BLTP1: variants seen among roughly 807,000 people sequenced by gnomAD.
BLTP1 encodes bridge-like lipid transfer protein family member 1.
At chr4:122,248,548 T>G in the BLTP1 span, among the ~76,000 whole-genome samples, 1 of 152,048 alleles carries the variant, frequency 6.6e-6, no homozygotes, top group African/African-American at 2.4e-5. Context: ...GCGTACTTTT[T>G]CATAATTTTT....
the BLTP1 span, chr4:122,301,500 A>G: frequency 1.2e-5 from 7 of 595,006 alleles, no homozygotes; most frequent in Non-Finnish European, 1.7e-5. Context: ...AACAGAAAAT[A>G]AAAATGATCT....
the BLTP1 span, chr4:122,239,551 C>T: frequency 1.2e-6 from 2 of 1,605,718 alleles, no homozygotes; most frequent in Non-Finnish European, 1.7e-6. Flanking sequence ...AGCCCTGTGT[C>T]TCCTAATACT....
At chr4:122,197,224 G>T in the BLTP1 span, 1 of 1,458,018 alleles carries the variant, frequency 6.9e-7, no homozygotes, top group Non-Finnish European at 9.3e-7. Context: ...GTAAATGTAG[G>T]AGCTGGCTCA....
At chr4:122,295,031 T>G in the BLTP1 span, among the ~76,000 whole-genome samples, 1 of 152,062 alleles carries the variant, frequency 6.6e-6, no homozygotes, top group Non-Finnish European at 1.5e-5. Context: ...TTGAAGACTG[T>G]CTTTCTGAAA....
the BLTP1 span, chr4:122,282,158 AT>A: frequency 1.2e-6 from 1 of 823,112 alleles, no homozygotes; most frequent in Non-Finnish European, 1.5e-6. Flanking sequence ...AAAACAGCTA[AT>A]TCTGTATGGT....
chr4:122,226,752 G>A, the BLTP1 span: 4 of 1,613,336 alleles, frequency 2.5e-6, no homozygotes, highest in Non-Finnish European at 3.4e-6. Flanking sequence ...TTTTCATGTG[G>A]TATGTCGGGA....
chr4:122,359,463 G>A, the BLTP1 span: 6 of 1,498,332 alleles, frequency 4.0e-6, no homozygotes, highest in South Asian at 7.5e-5. Flanking sequence ...CTTTGGCCAG[G>A]TCATAGATAA....
chr4:122,326,710 A>G, the BLTP1 span, among the ~76,000 whole-genome samples: 1 of 151,690 alleles, frequency 6.6e-6, no homozygotes, highest in South Asian at 2.1e-4. Flanking sequence ...AAAAAATGGT[A>G]TATAAAAAAT....
the BLTP1 span, chr4:122,268,862 T>C: frequency 3.3e-5 from 5 of 152,320 alleles, no homozygotes; most frequent in South Asian, 6.2e-4. Context: ...TTTGAAGTGA[T>C]GTGACTAGTC....
chr4:122,224,464 A>T, the BLTP1 span: 13 of 1,584,302 alleles, frequency 8.2e-6, no homozygotes, highest in Non-Finnish European at 1.0e-5. Context: ...TGATTTTCTT[A>T]TACATTTTAC....
the BLTP1 span, chr4:122,235,665 C>T: frequency 4.2e-4 from 69 of 164,334 alleles, no homozygotes; most frequent in Middle Eastern, 9.3e-3. Context: ...ATTAGCCGGG[C>T]GTGGTGGCGG....
the BLTP1 span, chr4:122,344,913 A>T: frequency 2.3e-5 from 23 of 985,238 alleles, no homozygotes; most frequent in Non-Finnish European, 2.8e-5. Context: ...TGATGTTTAA[A>T]AATGTTTACT....
the BLTP1 span, chr4:122,204,486 C>A: frequency 1.0e-6 from 1 of 955,836 alleles, no homozygotes; most frequent in Non-Finnish European, 1.2e-6. Flanking sequence ...AGAAACATTG[C>A]ATGACTTGGG....
At chr4:122,329,668 A>G in the BLTP1 span, among the ~76,000 whole-genome samples, 4 of 151,714 alleles carry the variant, frequency 2.6e-5, no homozygotes, top group East Asian at 7.7e-4. Flanking sequence ...TTATTGAGAT[A>G]TAATTTACAT....
chr4:122,338,278 G>A, the BLTP1 span, among the ~76,000 whole-genome samples: 1 of 151,728 alleles, frequency 6.6e-6, no homozygotes, highest in Non-Finnish European at 1.5e-5. Context: ...ACCAGCCTGG[G>A]CAACACATGG....
the BLTP1 span, among the ~76,000 whole-genome samples, chr4:122,155,659 T>C: frequency 6.6e-6 from 1 of 152,136 alleles, no homozygotes; most frequent in African/African-American, 2.4e-5. Context: ...TTTAGCATAC[T>C]GTATTTCATA....
At chr4:122,288,358 A>G in the BLTP1 span, among the ~76,000 whole-genome samples, 1 of 152,174 alleles carries the variant, frequency 6.6e-6, no homozygotes, top group Non-Finnish European at 1.5e-5. Flanking sequence ...CATAGAGTAG[A>G]CAGTCATTAA....
chr4:122,280,090 C>A, the BLTP1 span: 1 of 1,566,286 alleles, frequency 6.4e-7, no homozygotes, highest in South Asian at 1.2e-5. Context: ...TTCTAAGTAT[C>A]GACCATTATG....
At chr4:122,249,481 A>G in the BLTP1 span, 2 of 1,611,416 alleles carry the variant, frequency 1.2e-6, no homozygotes, top group East Asian at 2.2e-5. Context: ...TCTTTTGATA[A>G]TAGACATTGG....
Sources: gnomAD v4.1 joint callset for allele counts (sites outside exome capture counted in the v4.1 genomes callset) on GRCh38, gnomAD v4.1.1 for gene constraint, MANE v1.5 for transcripts, NCBI Gene and HGNC (gene_info 2026-07-23, HGNC 2026-07-21) for gene names.